Variants in CCDC178 observed in about 807,000 individuals in gnomAD.
CCDC178 encodes coiled-coil domain-containing protein 178.
A neutral mutation model predicts 117.4 loss-of-function variants in CCDC178; 126 were observed. That is an observed-to-expected ratio of 1.07 (90% CI 0.93 to 1.24). CCDC178 has a LOEUF of 1.24. CCDC178 is among the 50% of genes most tolerant of loss of function. CCDC178 has a pLI of 0.00. For synonymous variants in CCDC178, 283 were observed against 313.4 expected, an observed-to-expected ratio of 0.90 and a Z score of 1.02; for missense variants, 1,030 against 986.9, an observed-to-expected ratio of 1.04 and a Z score of -0.59.
intron 20 of CCDC178, among the ~76,000 whole-genome samples, chr18:33,154,401 G>T (rs904993224): frequency 2.6e-5 from 4 of 152,116 alleles, no homozygotes; most frequent in Non-Finnish European, 4.4e-5. Flanking sequence ...TGACTCCAAG[G>T]TGATCTGGGG....
intron 2 of CCDC178, among the ~76,000 whole-genome samples, chr18:33,421,956 G>A (rs1354245191): frequency 6.6e-6 from 1 of 152,180 alleles, no homozygotes; most frequent in East Asian, 1.9e-4. Flanking sequence ...CTTCAGAAAC[G>A]AAACAGAAGA....
At position 33,371,784 on chromosome 18, in the gene CCDC178, TACAC is replaced by T. The variant is rs146013235; in HGVS notation, c.209-1599_209-1596del. Among the ~76,000 whole-genome samples, 393 of 144,296 alleles carry T rather than the reference TACAC, an allele frequency of 2.7e-3. 3 individuals are homozygous for T. The highest frequency in any genetic ancestry group is 9.1e-3 in the African/African-American group (355 of 38,962). 94.7% of individuals were successfully genotyped at this position (144,296 alleles called of 152,430 possible). A position where few individuals can be genotyped will look rare whatever the true frequency, so the allele number is the denominator to read the frequency against. On this transcript the variant is annotated intron_variant, in intron 5 of 22. Coordinates refer to ENST00000383096, the MANE Select transcript of CCDC178 (RefSeq NM_001105528.4). The stretch of plus-strand genomic sequence containing the variant: ...TTCCTCTTTAGTTCATAAACATATA[TACAC>T]ACACACACACACACACACACACACA...
intron 2 of CCDC178, among the ~76,000 whole-genome samples, chr18:33,416,571 C>T (rs901995325): frequency 1.3e-5 from 2 of 152,114 alleles, no homozygotes; most frequent in South Asian, 2.1e-4. Flanking sequence ...GGATTCAAGA[C>T]TTTCATCTTT....
chr18:33,215,085 T>C (rs2144599769), intron 19 of CCDC178, among the ~76,000 whole-genome samples: 1 of 152,088 alleles, frequency 6.6e-6, no homozygotes, highest in East Asian at 1.9e-4. Context: ...AACAATTATA[T>C]CCCCGACTCA....
chr18:33,136,590 A>C (rs907039057), intron 20 of CCDC178, among the ~76,000 whole-genome samples: 1 of 152,200 alleles, frequency 6.6e-6, no homozygotes, highest in African/African-American at 2.4e-5. Context: ...GGCCCACAGG[A>C]TGAAGACTTG....
At chr18:33,010,951 G>A (rs1034301181) in intron 21 of CCDC178, among the ~76,000 whole-genome samples, 3 of 152,216 alleles carry the variant, frequency 2.0e-5, no homozygotes, top group South Asian at 2.1e-4. Flanking sequence ...TTCACGCCAG[G>A]CAGCATATGT....
intron 5 of CCDC178, among the ~76,000 whole-genome samples, chr18:33,373,585 C>A (rs761880673): frequency 6.6e-6 from 1 of 152,116 alleles, no homozygotes; most frequent in Non-Finnish European, 1.5e-5. Context: ...CTTGCCTGTG[C>A]GGAATACTCA....
At chr18:32,967,944 A>G (rs1248712565) in intron 22 of CCDC178, among the ~76,000 whole-genome samples, 3 of 151,574 alleles carry the variant, frequency 2.0e-5, no homozygotes, top group African/African-American at 7.3e-5. Flanking sequence ...TGCATACACT[A>G]TATAATCAGG....
At chr18:33,268,361 GT>G (rs2059845274) in intron 12 of CCDC178, among the ~76,000 whole-genome samples, 1 of 151,840 alleles carries the variant, frequency 6.6e-6, no homozygotes, top group Non-Finnish European at 1.5e-5. Flanking sequence ...TCTGAATTCA[GT>G]GAGAGAGAAG....
chr18:33,261,215 C>A (rs569887272), intron 14 of CCDC178, among the ~76,000 whole-genome samples: 112 of 152,316 alleles, frequency 7.4e-4, no homozygotes, highest in African/African-American at 2.6e-3. Flanking sequence ...TCCTAAGTAG[C>A]TGGGGCTACA....
intron 5 of CCDC178, among the ~76,000 whole-genome samples, chr18:33,383,802 TCTC>T (rs969756031): frequency 5.9e-5 from 9 of 152,038 alleles, no homozygotes; most frequent in African/African-American, 2.2e-4. Flanking sequence ...GAATGCCTAT[TCTC>T]CTCCAAATAA....
At chr18:33,358,405 C>T (rs574388558) in intron 6 of CCDC178, among the ~76,000 whole-genome samples, 1 of 151,652 alleles carries the variant, frequency 6.6e-6, no homozygotes, top group African/African-American at 2.4e-5. Context: ...TATTATGACT[C>T]ATGTAAATGA....
At chr18:32,970,857 A>G (rs556744624) in intron 22 of CCDC178, among the ~76,000 whole-genome samples, 3 of 152,106 alleles carry the variant, frequency 2.0e-5, no homozygotes, top group African/African-American at 7.2e-5. Context: ...TGAAAATACA[A>G]TTGTGGTTCG....
chr18:33,244,923 T>C (rs546386124), intron 15 of CCDC178, among the ~76,000 whole-genome samples: 89 of 152,072 alleles, frequency 5.9e-4, no homozygotes, highest in African/African-American at 2.1e-3. Flanking sequence ...CCCTTCTTCC[T>C]ACTACAGGCA....
At chr18:33,214,816 T>C (rs1487219168) in intron 19 of CCDC178, among the ~76,000 whole-genome samples, 3 of 151,962 alleles carry the variant, frequency 2.0e-5, no homozygotes, top group Non-Finnish European at 4.4e-5. Context: ...CATAAATTTT[T>C]TCTGACACTT....
intron 21 of CCDC178, among the ~76,000 whole-genome samples, chr18:32,993,704 T>C (rs1304641819): frequency 1.3e-5 from 2 of 152,176 alleles, no homozygotes; most frequent in Admixed American, 1.3e-4. Context: ...ATATGTGCTT[T>C]CTCTGCTGGA....
At chr18:33,308,137 C>T (rs952189053) in intron 11 of CCDC178, among the ~76,000 whole-genome samples, 6 of 152,168 alleles carry the variant, frequency 3.9e-5, no homozygotes, top group African/African-American at 9.7e-5. Context: ...CCTGAAAAAG[C>T]CACAGACACT....
intron 20 of CCDC178, among the ~76,000 whole-genome samples, chr18:33,097,924 A>G (rs540438732): frequency 6.6e-6 from 1 of 152,194 alleles, no homozygotes; most frequent in Admixed American, 6.6e-5. Flanking sequence ...ATGATTCCAT[A>G]TCTCAGTATT....
At chr18:33,063,232 C>G (rs531618623) in intron 21 of CCDC178, among the ~76,000 whole-genome samples, 1 of 152,232 alleles carries the variant, frequency 6.6e-6, no homozygotes, top group Non-Finnish European at 1.5e-5. Context: ...CAACACATAC[C>G]TGCACTTGAG....
Sources: gnomAD v4.1 joint callset for allele counts (sites outside exome capture counted in the v4.1 genomes callset) on GRCh38, gnomAD v4.1.1 for gene constraint, MANE v1.5 for transcripts, NCBI Gene and HGNC (gene_info 2026-07-23, HGNC 2026-07-21) for gene names.